The following SDCBP2 variants were observed in gnomAD, a reference collection of about 807,000 sequenced individuals.
SDCBP2 encodes the protein syndecan binding protein 2.
A neutral mutation model predicts 30.7 loss-of-function variants in SDCBP2; 28 were observed. The ratio of observed to expected loss-of-function variants is 0.91; its 90% CI spans 0.68 to 1.25. The LOEUF (loss-of-function observed/expected upper bound fraction) is 1.25, where lower values mean the gene tolerates loss of function less well. SDCBP2 is among the 50% of genes most tolerant of loss of function. SDCBP2 has a pLI of 0.00. For synonymous variants in SDCBP2, 166 were observed against 157.3 expected, an observed-to-expected ratio of 1.06 and a Z score of -0.41; for missense variants, 399 against 379.0, an observed-to-expected ratio of 1.05 and a Z score of -0.44.
intron 4 of SDCBP2, among the ~76,000 whole-genome samples, chr20:1,316,180 C>T (rs1316394626): frequency 6.6e-6 from 1 of 152,158 alleles, no homozygotes; most frequent in Non-Finnish European, 1.5e-5. Flanking sequence ...AAAGAATATA[C>T]AGATGGTAAT....
intron 1 of SDCBP2, among the ~76,000 whole-genome samples, chr20:1,327,638 T>C (rs988082675): frequency 2.0e-5 from 3 of 152,246 alleles, no homozygotes; most frequent in African/African-American, 7.2e-5. Context: ...TTCTGACTTG[T>C]GAGAGCACAG....
In SDCBP2 at chr20:1,327,123, AC is replaced by A. The variant is rs1410981680; in HGVS notation, c.-20+1961del. On this transcript the variant is annotated intron_variant, in intron 1 of 8. Coordinates refer to ENST00000360779, the MANE Select transcript of SDCBP2 (RefSeq NM_080489.5). Reference sequence around the variant, plus strand: ...AATTGGTTCCTCCGAAAGGAAAAGAACCCACCTAACCCCTCTCTCTCAGAGG... The same window carrying A: ...AATTGGTTCCTCCGAAAGGAAAAGAACCACCTAACCCCTCTCTCTCAGAGG... 3.9e-5 allele frequency among the ~76,000 whole-genome samples: 6 copies of A among 152,230 alleles called. No individual in the cohort carries two copies. The East Asian group carries it at 1.2e-3, about 29-fold the overall frequency.
At chr20:1,312,139 C>T (rs905302654) in intron 7 of SDCBP2, among the ~76,000 whole-genome samples, 198 bp downstream of exon 7, 5 of 151,744 alleles carry the variant, frequency 3.3e-5, no homozygotes, top group Non-Finnish European at 5.9e-5. Flanking sequence ...ACTTAGTGAT[C>T]CTCCTGCTTT....
rs2088809253 is a variant in SDCBP2 at position 1,318,385 on chromosome 20, T to A, written c.158A>T (p.Tyr53Phe). ...TTGGCTGGAGAGGGAAAGACCCATA[T>A]AATTTTCCAGTTCTGCCAAGTTTGG... ...LYPNLAELEN[Y>F]MGLSLSSQEV... Residue 53 changes from tyrosine (Y) to phenylalanine (F), a missense_variant, in exon 4 of 9, where the codon TAT becomes TTT. Tyr to Phe is a conservative substitution (Grantham distance 22, BLOSUM62 3). Coordinates refer to ENST00000360779, the MANE Select transcript of SDCBP2 (RefSeq NM_080489.5). The A allele has an allele frequency of 6.2e-7, 1 of 1,607,068 alleles. No individual in the cohort carries two copies. The highest frequency in any genetic ancestry group is 1.3e-5 in the African/African-American group (1 of 74,446).
intron 8 of SDCBP2, 73 bp downstream of exon 8, chr20:1,310,727 C>T (rs1600273023): frequency 1.5e-6 from 2 of 1,355,550 alleles, no homozygotes; most frequent in Middle Eastern, 1.8e-4. Flanking sequence ...GAGCCAGGTG[C>T]ACCTGGGAGG....
intron 1 of SDCBP2, among the ~76,000 whole-genome samples, chr20:1,328,541 C>T (rs1211759854): frequency 6.6e-6 from 1 of 152,140 alleles, no homozygotes; most frequent in Non-Finnish European, 1.5e-5. Flanking sequence ...GCTCCTGTGT[C>T]CAGTATGTCC....
chr20:1,320,374 G>T lies in SDCBP2; in HGVS notation c.43C>A (p.Gln15Lys), dbSNP rs764909919. The part of the protein sequence containing the change: ...YPSLEDLKVD[Q>K]AIQAQVRASP... Reference sequence around the variant, plus strand: ...GCCTGGCGACTTACCTGAATGGCTTGGTCCACTTTTAGGTCCTCTAGAGAT... The same window carrying T: ...GCCTGGCGACTTACCTGAATGGCTTTGTCCACTTTTAGGTCCTCTAGAGAT... Residue 15 changes from glutamine (Q) to lysine (K), a missense_variant, in exon 2 of 9, where the codon CAA (glutamine) becomes AAA (lysine). Coordinates refer to ENST00000360779, the MANE Select transcript of SDCBP2 (RefSeq NM_080489.5). This position sits in a 1 kb window ranked among gnomAD's most constrained non-coding sequence, Gnocchi z 4.7. The T allele has an allele frequency of 1.2e-6, 2 of 1,613,964 alleles. No homozygotes were observed. Among genetic ancestry groups the T allele is most frequent in the South Asian group, 2.2e-5 (2 of 91,084 alleles).
Position 1,320,520 on chromosome 20 carries a change from G to A in SDCBP2, c.-19-85C>T. On this transcript the variant is annotated intron_variant, in intron 1 of 8. Coordinates refer to ENST00000360779, the MANE Select transcript of SDCBP2 (RefSeq NM_080489.5). This position sits in a 1 kb window ranked among gnomAD's most constrained non-coding sequence, Gnocchi z 4.7. ...GCACAGACATCCGCAACAGCAAGCG[G>A]GTTGGAACTTAATATTCAAACAGAA... is the stretch of plus-strand genomic sequence containing the variant. 1 of 1,060,968 alleles carries A rather than the reference G, an allele frequency of 9.4e-7. No homozygotes were observed. Among genetic ancestry groups the A allele is most frequent in the South Asian group, 1.4e-5 (1 of 69,160 alleles). 65.7% of individuals were successfully genotyped at this position (1,060,968 alleles called of 1,614,324 possible).
Position 1,313,723 on chromosome 20 carries a change from G to A in SDCBP2, c.226-225C>T. ...CCTTAAAAAGCCAGGAAAACGGGGA[G>A]GGAAGGGGCGAGGATACAGGAAGAG... is the stretch of plus-strand genomic sequence containing the variant. On this transcript the variant is annotated intron_variant, in intron 4 of 8. Coordinates refer to ENST00000360779, the MANE Select transcript of SDCBP2 (RefSeq NM_080489.5). This position sits in a 1 kb window ranked among gnomAD's most constrained non-coding sequence, Gnocchi z 5.2. The A allele has an allele frequency of 2.4e-6, 3 of 1,242,826 alleles. No individual in the cohort carries two copies. The highest frequency in any genetic ancestry group is 2.1e-6 in the Non-Finnish European group (2 of 962,258). The allele number at this position is 1,242,826 out of a possible 1,614,324, so 77.0% of individuals were successfully genotyped here.
chr20:1,310,749 A>AG (rs767093165), intron 8 of SDCBP2, 51 bp downstream of exon 8: 44 of 1,493,218 alleles, frequency 2.9e-5, no homozygotes, highest in Non-Finnish European at 3.6e-5. Context: ...CGGGAGGTGA[A>AG]GGGGATGGCA....
rs375432334 is a variant in SDCBP2 at position 1,313,581 on chromosome 20, G to A, written c.226-83C>T. 1.4e-6 allele frequency: 2 copies of A among 1,458,206 alleles called. No homozygotes were observed. The highest frequency in any genetic ancestry group is 2.5e-5 in the East Asian group (1 of 39,382). The allele number at this position is 1,458,206 out of a possible 1,614,324, so 90.3% of individuals were successfully genotyped here. ...AGACACTGGGGTGGGGGTAGGGATGGGGAAAGGAGGATGGAGCCGTCCCCG... is the reference window on the plus strand; with the variant it reads ...AGACACTGGGGTGGGGGTAGGGATGAGGAAAGGAGGATGGAGCCGTCCCCG... On this transcript the variant is annotated intron_variant, in intron 4 of 8. Coordinates refer to ENST00000360779, the MANE Select transcript of SDCBP2 (RefSeq NM_080489.5). This position sits in a 1 kb window ranked among gnomAD's most constrained non-coding sequence, Gnocchi z 5.2.
At chr20:1,319,496 A>G in intron 3 of SDCBP2, 94 bp downstream of exon 3, 3 of 1,300,450 alleles carry the variant, frequency 2.3e-6, no homozygotes, top group Non-Finnish European at 3.3e-6. Context: ...TTAACCCTGG[A>G]GCCTCCCATA....
intron 1 of SDCBP2, among the ~76,000 whole-genome samples, chr20:1,327,488 A>G (rs1039055032): frequency 1.3e-5 from 2 of 152,162 alleles, no homozygotes; most frequent in African/African-American, 4.8e-5. Flanking sequence ...GTCGGAATAG[A>G]AGAAGCTGTT....
At position 1,312,345 on chromosome 20, in the gene SDCBP2, C is replaced by G. The variant is rs4814111; in HGVS notation, c.724G>C (p.Gly242Arg). Residue 242 changes from glycine (G) to arginine (R), a missense_variant, in exon 7 of 9, where the codon GGG becomes CGG. Transcript: ENST00000360779. The stretch of plus-strand genomic sequence containing the variant: ...TGCGGCCACCAGCCTACCTTCAGCC[C>G]GATAACATTCTGCCCGTCCACCTCA... ...VCEVDGQNVIGLKDKKIMEIL... is the reference protein window; with the variant it reads ...VCEVDGQNVIRLKDKKIMEIL... The G allele has an allele frequency of 3.7e-6, 6 of 1,612,602 alleles. No homozygotes were observed. The highest frequency in any genetic ancestry group is 5.1e-6 in the Non-Finnish European group (6 of 1,179,516).
intron 1 of SDCBP2, among the ~76,000 whole-genome samples, chr20:1,328,437 G>A (rs2088963599): frequency 6.6e-6 from 1 of 152,124 alleles, no homozygotes; most frequent in Admixed American, 6.5e-5. Flanking sequence ...TTGGGCCACT[G>A]TACGTGAAGC....
In SDCBP2 at chr20:1,312,463, G is replaced by A. The variant is rs55655566; in HGVS notation, c.606C>T (p.His202=). Residue 202 remains histidine (H), a synonymous_variant, in exon 7 of 9, where the codon CAC becomes CAT. Transcript: ENST00000360779. ...TCCCCTTCTTGATCACGAAGCCGACGTGGCCCATGCTGTCCTTGTGCATGG... is the reference window on the plus strand; with the variant it reads ...TCCCCTTCTTGATCACGAAGCCGACATGGCCCATGCTGTCCTTGTGCATGG... ...TVTMHKDSMG[H]VGFVIKKGKI... is the part of the protein sequence containing the mutation. 39,586 of 1,614,108 alleles carry A rather than the reference G, an allele frequency of 0.025. 565 individuals are homozygous for A. The highest frequency in any genetic ancestry group is 0.039 in the Middle Eastern group (234 of 6,062).
chr20:1,312,933 A>T (rs1021120343), intron 5 of SDCBP2, 171 bp from the exon 6 acceptor site: 12 of 689,486 alleles, frequency 1.7e-5, no homozygotes, highest in Admixed American at 2.9e-5. Flanking sequence ...GAAACACTCT[A>T]GGCCTCATAG....
Position 1,324,972 on chromosome 20 carries a change from C to T in SDCBP2, c.-20+4113G>A, listed in dbSNP as rs900057277. On this transcript the variant is annotated intron_variant, in intron 1 of 8. Transcript: ENST00000360779. The surrounding 1 kb of genome is among the most constrained non-coding windows in gnomAD (Gnocchi z 4.7). ...CTTTTATTAGAAATTACTTTCATGT[C>T]CCTGCCTTCTCCTTATAAACAAAGG... is the stretch of plus-strand genomic sequence containing the variant. 6.6e-6 allele frequency among the ~76,000 whole-genome samples: 1 copy of T among 152,160 alleles called. No homozygotes were observed. The highest frequency in any genetic ancestry group is 2.4e-5 in the African/African-American group (1 of 41,418).
rs1600277294 is a variant in SDCBP2 at position 1,313,646 on chromosome 20, G to A, written c.226-148C>T. On this transcript the variant is annotated intron_variant, in intron 4 of 8. Transcript: ENST00000360779. This position sits in a 1 kb window ranked among gnomAD's most constrained non-coding sequence, Gnocchi z 5.2. ...CCCAGTCCACGCTTCTCCCCTAGGG[G>A]CGAGAGGAGACGTGGCTCCACGCGG... 2 of 1,388,174 alleles carry A rather than the reference G, an allele frequency of 1.4e-6. No individual in the cohort carries two copies. The highest frequency in any genetic ancestry group is 3.3e-5 in the Admixed American group (1 of 30,638). The allele number at this position is 1,388,174 out of a possible 1,614,324, so 86.0% of individuals were successfully genotyped here.
Sources: allele counts gnomAD v4.1 joint callset (sites outside exome capture counted in the v4.1 genomes callset), GRCh38; gene constraint gnomAD v4.1.1; non-coding constraint Gnocchi (gnomAD v3.1); transcripts MANE v1.5; gene names NCBI Gene and HGNC (gene_info 2026-07-23, HGNC 2026-07-21).